The following SEMA6D variants were observed in gnomAD, a reference collection of about 807,000 sequenced individuals.
SEMA6D encodes the protein semaphorin 6D, also known as semaphorin-6D.
A neutral mutation model predicts 106.6 loss-of-function variants in SEMA6D; 35 were observed. That is an observed-to-expected ratio of 0.33 (90% CI 0.25 to 0.44). SEMA6D has a LOEUF of 0.44. Among genes scored for constraint, SEMA6D ranks in the 20% least tolerant of loss-of-function variants. The pLI, the probability that SEMA6D is intolerant of heterozygous loss-of-function variation, is 1.00. For synonymous variants in SEMA6D, 499 were observed against 487.7 expected, an observed-to-expected ratio of 1.02 and a Z score of -0.31; for missense variants, 1,185 against 1,345.9, an observed-to-expected ratio of 0.88 and a Z score of 1.87.
chr15:47,563,285 T>C (rs1445819936), intron 3 of SEMA6D, among the ~76,000 whole-genome samples: 1 of 152,172 alleles, frequency 6.6e-6, no homozygotes, highest in Non-Finnish European at 1.5e-5. Flanking sequence ...TTTAATGATT[T>C]AAAAATCACT....
intron 4 of SEMA6D, among the ~76,000 whole-genome samples, chr15:47,630,271 ATTG>A (rs1215905181): frequency 6.6e-6 from 1 of 151,714 alleles, no homozygotes; most frequent in African/African-American, 2.4e-5. Context: ...ATGATATCTC[ATTG>A]TTGTGATTTG....
intron 1 of SEMA6D, among the ~76,000 whole-genome samples, chr15:47,237,841 T>C (rs1384745361): frequency 3.3e-5 from 5 of 152,062 alleles, no homozygotes; most frequent in Non-Finnish European, 7.4e-5. Flanking sequence ...CTCTTACAAA[T>C]CTCTTTGGCC....
At chr15:47,431,199 G>A (rs2041510116) in intron 2 of SEMA6D, among the ~76,000 whole-genome samples, 1 of 152,046 alleles carries the variant, frequency 6.6e-6, no homozygotes, top group South Asian at 2.1e-4. Context: ...ATAATAATGT[G>A]AGTCTTAAGA....
intron 1 of SEMA6D, among the ~76,000 whole-genome samples, chr15:47,289,624 A>G (rs1165844023): frequency 6.6e-6 from 1 of 152,052 alleles, no homozygotes; most frequent in African/African-American, 2.4e-5. Flanking sequence ...GTTTCTATAG[A>G]AGTGGATTAA....
intron 3 of SEMA6D, among the ~76,000 whole-genome samples, chr15:47,511,933 C>T (rs760107473): frequency 1.3e-5 from 2 of 152,126 alleles, no homozygotes; most frequent in African/African-American, 2.4e-5. Flanking sequence ...GCTTGCCTGA[C>T]CTCGGTGAGA....
intron 1 of SEMA6D, among the ~76,000 whole-genome samples, chr15:47,265,026 G>A (rs1236631735): frequency 3.3e-5 from 5 of 151,804 alleles, no homozygotes; most frequent in African/African-American, 1.2e-4. Context: ...GAATCTTCTT[G>A]AGGATTTTAT....
At chr15:47,380,416 T>C (rs941401921) in intron 1 of SEMA6D, 5 of 152,350 alleles carry the variant, frequency 3.3e-5, no homozygotes, top group African/African-American at 1.2e-4. Context: ...TCTTCTACTC[T>C]GGCTTTTATT....
chr15:47,278,935 G>T (rs554441143), intron 1 of SEMA6D, among the ~76,000 whole-genome samples: 1 of 145,056 alleles, frequency 6.9e-6, no homozygotes, highest in Non-Finnish European at 1.5e-5. Context: ...GATATGCGGC[G>T]TTATTTCTGA....
upstream of SEMA6D, among the ~76,000 whole-genome samples, chr15:47,712,678 C>T (rs1364520212): frequency 6.6e-6 from 1 of 152,128 alleles, no homozygotes; most frequent in Non-Finnish European, 1.5e-5. Flanking sequence ...TTAATTTCTA[C>T]CACTTTTAAT....
At chr15:47,278,067 A>G (rs1041295162) in intron 1 of SEMA6D, among the ~76,000 whole-genome samples, 1 of 151,716 alleles carries the variant, frequency 6.6e-6, no homozygotes, top group Non-Finnish European at 1.5e-5. Context: ...ATGCCACAAT[A>G]AACATACGTG....
In SEMA6D at chr15:47,653,223, A is replaced by G. The variant is rs116088947; in HGVS notation, c.-55+52327A>G. ...AAATCAAGGCTGAATCACTCTTTACATAGAAAAACTTCAAATAGAACTTTA... is the reference window on the plus strand; with the variant it reads ...AAATCAAGGCTGAATCACTCTTTACGTAGAAAAACTTCAAATAGAACTTTA... On this transcript the variant is annotated intron_variant, in intron 4 of 19. Transcript: ENST00000558014. Among the ~76,000 whole-genome samples, 528 of 152,352 alleles carry G rather than the reference A, an allele frequency of 3.5e-3. 7 individuals carry two copies. Among genetic ancestry groups the G allele is most frequent in the African/African-American group, 0.012 (513 of 41,586 alleles).
intron 3 of SEMA6D, among the ~76,000 whole-genome samples, chr15:47,526,944 G>A (rs2044779383): frequency 6.6e-6 from 1 of 152,016 alleles, no homozygotes; most frequent in Admixed American, 6.6e-5. Context: ...TCACTATGTT[G>A]GTCAGGCTGA....
intron 4 of SEMA6D, among the ~76,000 whole-genome samples, chr15:47,650,048 C>T (rs932834773): frequency 2.6e-5 from 4 of 152,190 alleles, no homozygotes; most frequent in Non-Finnish European, 4.4e-5. Context: ...TCTGCATAGA[C>T]AACATATACT....
At chr15:47,272,550 C>A (rs1434955679) in intron 1 of SEMA6D, 9 of 152,256 alleles carry the variant, frequency 5.9e-5, no homozygotes, top group Non-Finnish European at 8.8e-5. Flanking sequence ...TATCACATTA[C>A]ATTTGGCTTG....
chr15:47,638,801 A>G (rs2077437051), intron 4 of SEMA6D, among the ~76,000 whole-genome samples: 1 of 152,232 alleles, frequency 6.6e-6, no homozygotes, highest in Non-Finnish European at 1.5e-5. Context: ...AATGTCTTTT[A>G]AAAACCGGCT....
Position 47,770,652 on chromosome 15 carries a change from A to G in SEMA6D, c.2089A>G (p.Ile697Val). The G allele has an allele frequency of 6.2e-7, 1 of 1,614,062 alleles. No homozygotes were observed. Among genetic ancestry groups the G allele is most frequent in the Non-Finnish European group, 8.5e-7 (1 of 1,179,976 alleles). The change falls in exon 19 of 19, where the codon ATC (isoleucine) becomes GTC (valine). Residue 697 changes from isoleucine (I) to valine (V), a missense_variant. By Grantham distance (29) the Ile-to-Val change is conservative (BLOSUM62 3). Transcript: ENST00000536845. Reference sequence around the variant, plus strand: ...CATGTTTGTTCGGAAAAACAGAAAGATCCATAAAGATGCAGAGTCCGCCCA... The same window carrying G: ...CATGTTTGTTCGGAAAAACAGAAAGGTCCATAAAGATGCAGAGTCCGCCCA... The part of the protein sequence containing the change: ...RDMFVRKNRK[I>V]HKDAESAQSC...
At chr15:47,369,562 A>C (rs1382547916) in intron 1 of SEMA6D, among the ~76,000 whole-genome samples, 2 of 152,142 alleles carry the variant, frequency 1.3e-5, no homozygotes, top group Non-Finnish European at 2.9e-5. Flanking sequence ...TTTTCCTTTT[A>C]CTATAAGATA....
chr15:47,250,347 AGAGAGGGAGAGG>A (rs1354306323), intron 1 of SEMA6D, among the ~76,000 whole-genome samples: 1 of 151,752 alleles, frequency 6.6e-6, no homozygotes, highest in African/African-American at 2.4e-5. Flanking sequence ...AGAGAGAGAA[AGAGAGGGAGAGG>A]GAGAGAGGGA....
At chr15:47,375,466 C>T (rs2039417203) in intron 1 of SEMA6D, among the ~76,000 whole-genome samples, 1 of 152,062 alleles carries the variant, frequency 6.6e-6, no homozygotes, top group Non-Finnish European at 1.5e-5. Context: ...TGCTTATTTA[C>T]ATCAAAGAAA....
Sources: allele counts gnomAD v4.1 joint callset (sites outside exome capture counted in the v4.1 genomes callset), GRCh38; gene constraint gnomAD v4.1.1; transcripts MANE v1.5; gene names NCBI Gene and HGNC (gene_info 2026-07-23, HGNC 2026-07-21).